TOX: variants seen among roughly 807,000 people sequenced by gnomAD.
TOX encodes thymocyte selection-associated high mobility group box protein TOX.
TOX carries 11 observed loss-of-function variants against 53.7 expected under a neutral mutation model. The ratio of observed to expected loss-of-function variants is 0.20; its 90% CI spans 0.13 to 0.34. The LOEUF is 0.34. Ranked by LOEUF, TOX falls within the 10% of genes least tolerant of loss-of-function variation. The pLI is 1.00. For missense variants in TOX, 570 were observed against 664.6 expected (o/e 0.86, Z 1.56); for synonymous variants, 225 against 245.3 (o/e 0.92, Z 0.77).
intron 7 of TOX, 79 bp downstream of exon 7, chr8:58,815,259 G>A: frequency 2.0e-6 from 3 of 1,504,266 alleles, no homozygotes; most frequent in Non-Finnish European, 2.7e-6. Context: ...TCCTGTCCTG[G>A]ATAAACAGCT....
chr8:58,807,470 A>G lies in TOX; in HGVS notation c.*277T>C. ...ATCTACAGTTGCTAAGGCAGTTACT[A>G]GAGCGCAGCACTTCACAGCAAAAAA... is the stretch of plus-strand genomic sequence containing the variant. On this transcript the variant is annotated 3_prime_UTR_variant, in exon 9 of 9. Transcript: ENST00000361421. 2.8e-6 allele frequency: 1 copy of G among 356,180 alleles called. No homozygotes were observed. Among genetic ancestry groups the G allele is most frequent in the Non-Finnish European group, 5.2e-6 (1 of 193,042 alleles). The allele number at this position is 356,180 out of a possible 1,614,324, so 22.1% of individuals were successfully genotyped here.
chr8:59,075,756 C>A (rs550753270), intron 1 of TOX, among the ~76,000 whole-genome samples: 8 of 152,158 alleles, frequency 5.3e-5, no homozygotes, highest in African/African-American at 1.9e-4. Context: ...GGGATGAGGG[C>A]AAAGGGAGAG....
chr8:58,989,113 G>A (rs1204495412), intron 1 of TOX, among the ~76,000 whole-genome samples: 3 of 152,100 alleles, frequency 2.0e-5, no homozygotes, highest in Non-Finnish European at 2.9e-5. Flanking sequence ...TCAGGAGTTC[G>A]AAACCAGCCT....
chr8:58,941,898 C>A (rs1812447897), intron 2 of TOX, among the ~76,000 whole-genome samples: 1 of 151,748 alleles, frequency 6.6e-6, no homozygotes, highest in Non-Finnish European at 1.5e-5. Flanking sequence ...ATTAAAAATA[C>A]AAAAATTAGC....
intron 1 of TOX, among the ~76,000 whole-genome samples, chr8:59,110,573 G>A (rs1482767627): frequency 6.6e-6 from 1 of 152,102 alleles, no homozygotes; most frequent in Non-Finnish European, 1.5e-5. Context: ...GGTATAGAGA[G>A]GTAAACTTGC....
chr8:58,957,528 A>G (rs1812731666), intron 2 of TOX, among the ~76,000 whole-genome samples: 1 of 152,248 alleles, frequency 6.6e-6, no homozygotes. Flanking sequence ...AAAGAATATC[A>G]TTAATTTTTA....
At chr8:59,050,460 T>C (rs912378939) in intron 1 of TOX, among the ~76,000 whole-genome samples, 1 of 152,138 alleles carries the variant, frequency 6.6e-6, no homozygotes, top group Non-Finnish European at 1.5e-5. Flanking sequence ...ATTTCTTTGA[T>C]CTAGTACTTA....
At chr8:59,001,937 G>A (rs1272175922) in intron 1 of TOX, among the ~76,000 whole-genome samples, 1 of 150,300 alleles carries the variant, frequency 6.7e-6, no homozygotes, top group Non-Finnish European at 1.5e-5. Context: ...TATTGTCAAG[G>A]AGACAATGGC....
At chr8:58,810,976 A>G (rs1810067686) in intron 7 of TOX, among the ~76,000 whole-genome samples, 1 of 152,246 alleles carries the variant, frequency 6.6e-6, no homozygotes, top group South Asian at 2.1e-4. Context: ...TGTTAGCTAC[A>G]AAGTTCAAAG....
intron 1 of TOX, among the ~76,000 whole-genome samples, chr8:59,087,443 A>G (rs1157762528): frequency 6.6e-6 from 1 of 152,222 alleles, no homozygotes; most frequent in Non-Finnish European, 1.5e-5. Context: ...TCAGATACCA[A>G]TAAATATTCC....
chr8:59,039,778 C>T (rs1803542255), intron 1 of TOX, among the ~76,000 whole-genome samples: 1 of 152,120 alleles, frequency 6.6e-6, no homozygotes, highest in South Asian at 2.1e-4. Context: ...GAAAAATATC[C>T]AGCAAAAATA....
intron 1 of TOX, among the ~76,000 whole-genome samples, chr8:59,048,457 A>C (rs1450141264): frequency 3.3e-5 from 5 of 152,234 alleles, no homozygotes; most frequent in Non-Finnish European, 7.3e-5. Context: ...AACATCAGAC[A>C]GTTAGAAAAC....
chr8:58,873,182 T>C (rs1438254902), intron 3 of TOX, among the ~76,000 whole-genome samples: 2 of 152,146 alleles, frequency 1.3e-5, no homozygotes, highest in Non-Finnish European at 2.9e-5. Context: ...TGATTAAACC[T>C]GCATGCATAC....
intron 1 of TOX, among the ~76,000 whole-genome samples, chr8:59,057,898 G>A (rs1267407650): frequency 6.6e-6 from 1 of 152,078 alleles, no homozygotes; most frequent in Non-Finnish European, 1.5e-5. Flanking sequence ...CCAGGCTGGA[G>A]TGCAGTGGCA....
Position 59,089,165 on chromosome 8 carries a change from G to C in TOX, c.102+29721C>G, listed in dbSNP as rs118152445. On this transcript the variant is annotated intron_variant, in intron 1 of 8. Coordinates refer to ENST00000361421, the MANE Select transcript of TOX (RefSeq NM_014729.3). ...ATAATAGACCTAGCATATTTGTTTC[G>C]GGCATAGCACACATGCTTATGATGT... Among the ~76,000 whole-genome samples the C allele has an allele frequency of 4.5e-4, 68 of 152,262 alleles. 1 individual carries two copies. The highest frequency in any genetic ancestry group is 8.4e-4 in the Non-Finnish European group (57 of 68,012).
At chr8:59,014,346 GT>G (rs1813969676) in intron 1 of TOX, among the ~76,000 whole-genome samples, 1 of 152,142 alleles carries the variant, frequency 6.6e-6, no homozygotes, top group African/African-American at 2.4e-5. Flanking sequence ...ACGCCTCCTC[GT>G]AAAATTACCA....
intron 1 of TOX, among the ~76,000 whole-genome samples, chr8:59,088,469 A>T (rs73256362): frequency 6.6e-6 from 1 of 152,224 alleles, no homozygotes; most frequent in African/African-American, 2.4e-5. Context: ...AAATTTTTCT[A>T]GATCATGAGT....
intron 3 of TOX, among the ~76,000 whole-genome samples, chr8:58,904,414 T>G (rs1362461953): frequency 1.3e-5 from 2 of 152,156 alleles, no homozygotes; most frequent in African/African-American, 4.8e-5. Context: ...GCTTTCCACA[T>G]TACAAAGGAG....
chr8:58,993,113 T>C (rs1054245583), intron 1 of TOX, among the ~76,000 whole-genome samples: 4 of 151,744 alleles, frequency 2.6e-5, no homozygotes, highest in Non-Finnish European at 4.4e-5. Flanking sequence ...AGCTGACAGA[T>C]TGGAACCTGA....
Sources: allele counts gnomAD v4.1 joint callset (sites outside exome capture counted in the v4.1 genomes callset), GRCh38; gene constraint gnomAD v4.1.1; transcripts MANE v1.5; gene names NCBI Gene and HGNC (gene_info 2026-07-23, HGNC 2026-07-21).